The following FAM163A variants were observed in gnomAD, a reference collection of about 807,000 sequenced individuals.
FAM163A encodes family with sequence similarity 163 member A.
In FAM163A, 7 loss-of-function variants were observed where a neutral mutation model predicts 12.0. The ratio of observed to expected loss-of-function variants is 0.58; its 90% CI spans 0.33 to 1.10. The LOEUF (loss-of-function observed/expected upper bound fraction) is 1.10, where lower values mean the gene tolerates loss of function less well. FAM163A is among the 50% of genes least tolerant of loss of function. The probability of loss-of-function intolerance (pLI) is 0.03; values close to 1 mark genes in which losing one functional copy is unlikely to be tolerated. For synonymous variants in FAM163A, 101 were observed against 91.0 expected, an observed-to-expected ratio of 1.11 and a Z score of -0.62; for missense variants, 202 against 218.6, an observed-to-expected ratio of 0.92 and a Z score of 0.48.
At chr1:179,805,058 AT>A (rs959635286) in intron 1 of FAM163A, among the ~76,000 whole-genome samples, 1 of 152,050 alleles carries the variant, frequency 6.6e-6, no homozygotes, top group African/African-American at 2.4e-5. Context: ...AGCAACTTTA[AT>A]TTTTTTTCTT....
At chr1:179,738,606 G>T (rs1300187323), upstream of FAM163A, among the ~76,000 whole-genome samples, 2 of 151,858 alleles carry the variant, frequency 1.3e-5, no homozygotes, top group African/African-American at 4.8e-5. Context: ...GCTAAAAAAA[G>T]AAAAAATCAC....
chr1:179,777,633 T>A (rs1373678683), intron 1 of FAM163A, among the ~76,000 whole-genome samples: 1 of 152,210 alleles, frequency 6.6e-6, no homozygotes, highest in Non-Finnish European at 1.5e-5. Flanking sequence ...CAAAGAGCCG[T>A]ACCTGGGTGT....
At chr1:179,731,032 G>A in the FAM163A span, among the ~76,000 whole-genome samples, 1 of 152,118 alleles carries the variant, frequency 6.6e-6, no homozygotes, top group Non-Finnish European at 1.5e-5. Flanking sequence ...TTAATAATTT[G>A]TATTTAATTT....
At chr1:179,733,200 A>G in the FAM163A span, among the ~76,000 whole-genome samples, 1 of 151,754 alleles carries the variant, frequency 6.6e-6, no homozygotes, top group Admixed American at 6.6e-5. Context: ...GGGAGTATTT[A>G]TTTCCCTTTT....
chr1:179,729,470 A>C, the FAM163A span, among the ~76,000 whole-genome samples: 1 of 152,220 alleles, frequency 6.6e-6, no homozygotes, highest in African/African-American at 2.4e-5. Context: ...TTCAGTGCCA[A>C]ATGTGGAAAT....
chr1:179,794,464 C>T (rs1691978518), intron 1 of FAM163A, among the ~76,000 whole-genome samples: 1 of 152,084 alleles, frequency 6.6e-6, no homozygotes, highest in African/African-American at 2.4e-5. Flanking sequence ...CTTGGGATTC[C>T]CTGGAATCTG....
intron 1 of FAM163A, among the ~76,000 whole-genome samples, chr1:179,769,444 T>G (rs1231169294): frequency 6.6e-6 from 1 of 152,084 alleles, no homozygotes; most frequent in Non-Finnish European, 1.5e-5. Flanking sequence ...TCTTCCAAAA[T>G]AAAAATGTTT....
intron 1 of FAM163A, among the ~76,000 whole-genome samples, chr1:179,766,946 G>C (rs2148080183): frequency 6.6e-6 from 1 of 152,178 alleles, no homozygotes; most frequent in South Asian, 2.1e-4. Flanking sequence ...AGTAGAGACA[G>C]GGTTTCACCA....
chr1:179,762,148 G>T (rs112046638), intron 1 of FAM163A, among the ~76,000 whole-genome samples: 59 of 152,288 alleles, frequency 3.9e-4, no homozygotes, highest in African/African-American at 1.4e-3. Flanking sequence ...ACAAAAGAAA[G>T]AATGATTTTA....
chr1:179,797,416 C>T (rs1692481385), intron 1 of FAM163A, among the ~76,000 whole-genome samples: 2 of 152,110 alleles, frequency 1.3e-5, no homozygotes, highest in South Asian at 4.1e-4. Flanking sequence ...CCACTGCACT[C>T]ACGCCAGCCC....
intron 1 of FAM163A, among the ~76,000 whole-genome samples, chr1:179,795,987 C>G (rs1692253787): frequency 1.4e-5 from 1 of 69,270 alleles, no homozygotes; most frequent in Non-Finnish European, 2.8e-5. Context: ...TATTTTACAA[C>G]TGTGTCTCCT....
chr1:179,782,462 C>T lies in FAM163A; in HGVS notation c.-135-25336C>T, dbSNP rs569376113. Among the ~76,000 whole-genome samples, 18 of 151,966 alleles carry T rather than the reference C, an allele frequency of 1.2e-4. 1 individual carries two copies. In the East Asian group the frequency reaches 2.9e-3, roughly 25 times the overall value. On this transcript the variant is annotated intron_variant, in intron 1 of 4. Transcript: ENST00000341785. ...CAGGAGCATCTTCTCATTTGGCGGG[C>T]GGGAAAGCTTGTGCAAGCAGGACGG...
chr1:179,730,744 G>A, the FAM163A span, among the ~76,000 whole-genome samples: 6 of 152,120 alleles, frequency 3.9e-5, no homozygotes, highest in Non-Finnish European at 8.8e-5. Context: ...GTACAAAATA[G>A]CTTTTTTCTT....
intron 1 of FAM163A, among the ~76,000 whole-genome samples, chr1:179,744,147 C>T (rs962858918): frequency 6.6e-6 from 1 of 152,160 alleles, no homozygotes; most frequent in Non-Finnish European, 1.5e-5. Context: ...GCCGGCGTCT[C>T]GGCCAGCGAG....
chr1:179,793,645 C>T (rs1479020220), intron 1 of FAM163A, among the ~76,000 whole-genome samples: 2 of 152,168 alleles, frequency 1.3e-5, no homozygotes, highest in Non-Finnish European at 2.9e-5. Context: ...TGTCATAGCT[C>T]CCTTTGGTTC....
intron 1 of FAM163A, among the ~76,000 whole-genome samples, chr1:179,806,455 T>A (rs1693949882): frequency 6.6e-6 from 1 of 152,130 alleles, no homozygotes; most frequent in Non-Finnish European, 1.5e-5. Context: ...GGCTGTTCTG[T>A]CACGCAGTCA....
intron 1 of FAM163A, among the ~76,000 whole-genome samples, chr1:179,751,291 G>A (rs1685240362): frequency 1.3e-5 from 2 of 152,030 alleles, no homozygotes. Context: ...GAAGAGGGTG[G>A]TCCTGAAAAG....
chr1:179,741,493 A>G (rs1339920949), upstream of FAM163A, among the ~76,000 whole-genome samples: 1 of 152,262 alleles, frequency 6.6e-6, no homozygotes, highest in Non-Finnish European at 1.5e-5. Context: ...GTCATTAGCA[A>G]TAGCACTTGT....
At chr1:179,798,568 T>C (rs1692716178) in intron 1 of FAM163A, among the ~76,000 whole-genome samples, 1 of 152,236 alleles carries the variant, frequency 6.6e-6, no homozygotes, top group African/African-American at 2.4e-5. Flanking sequence ...TCTTAGAATA[T>C]TTGTCTGATG....
Sources: gnomAD v4.1 joint callset for allele counts (sites outside exome capture counted in the v4.1 genomes callset) on GRCh38, gnomAD v4.1.1 for gene constraint, MANE v1.5 for transcripts, NCBI Gene and HGNC (gene_info 2026-07-23, HGNC 2026-07-21) for gene names.